Variants in QSOX2 observed in about 807,000 individuals in gnomAD.
QSOX2 encodes sulfhydryl oxidase 2.
A neutral mutation model predicts 61.7 loss-of-function variants in QSOX2; 46 were observed. The observed-to-expected ratio is 0.75, with a 90% CI of 0.59 to 0.95. The LOEUF is 0.95. Among genes scored for constraint, QSOX2 ranks in the 40% least tolerant of loss-of-function variants. The pLI, the probability that QSOX2 is intolerant of heterozygous loss-of-function variation, is 0.00. For synonymous variants in QSOX2, 383 were observed against 388.4 expected, an observed-to-expected ratio of 0.99 and a Z score of 0.16; for missense variants, 879 against 918.9, an observed-to-expected ratio of 0.96 and a Z score of 0.56.
At chr9:136,217,201 A>G (rs574412333) in intron 8 of QSOX2, among the ~76,000 whole-genome samples, 1 of 152,360 alleles carries the variant, frequency 6.6e-6, no homozygotes, top group South Asian at 2.1e-4. Context: ...CTAACTGCCT[A>G]TGGGCTTGTG....
Position 136,209,319 on chromosome 9 carries a change from T to TGTGCAGCCAC in QSOX2, c.1550-54_1550-45dup. 6.3e-7 allele frequency: 1 copy of TGTGCAGCCAC among 1,588,626 alleles called. No individual in the cohort carries two copies. The highest frequency in any genetic ancestry group is 8.6e-7 in the Non-Finnish European group (1 of 1,165,490). ...GGGAGAGCCAGAGGGAAGGAGGCTTTGTGCAGCCACGTGCAGCGTGCGGCA... is the reference window on the plus strand; with the variant it reads ...GGGAGAGCCAGAGGGAAGGAGGCTTTGTGCAGCCACGTGCAGCCACGTGCAGCGTGCGGCA... On this transcript the variant is annotated intron_variant, in intron 11 of 11. Coordinates refer to ENST00000358701, the MANE Select transcript of QSOX2 (RefSeq NM_181701.4). This position sits in a 1 kb window ranked among gnomAD's most constrained non-coding sequence, Gnocchi z 5.6.
chr9:136,243,944 G>C (rs1448096956), intron 1 of QSOX2, among the ~76,000 whole-genome samples: 1 of 152,092 alleles, frequency 6.6e-6, no homozygotes, highest in Non-Finnish European at 1.5e-5. Flanking sequence ...TCTCAGGAGG[G>C]GCCTTCCTTC....
At chr9:136,229,004 T>TA (rs1830307074) in intron 1 of QSOX2, among the ~76,000 whole-genome samples, 1 of 152,218 alleles carries the variant, frequency 6.6e-6, no homozygotes, top group Admixed American at 6.5e-5. Context: ...AAGGCTTGTG[T>TA]GTGTTAGCGG....
In QSOX2 at chr9:136,207,405, GCACA is replaced by G. The variant is rs769912727; in HGVS notation, c.*1319_*1322del. The stretch of plus-strand genomic sequence containing the variant: ...CACACACACACACACACACACACGG[GCACA>G]CAAATACATCTGAGCCTATTTTAGC... On this transcript the variant is annotated 3_prime_UTR_variant, in exon 12 of 12. Transcript: ENST00000358701. 9 of 121,740 alleles carry G rather than the reference GCACA, an allele frequency of 7.4e-5. No homozygotes were observed. Among genetic ancestry groups the G allele is most frequent in the African/African-American group, 1.1e-4 (3 of 27,784 alleles). The allele number at this position is 121,740 out of a possible 1,614,324, so 7.5% of individuals were successfully genotyped here.
rs201396041 is a variant in QSOX2 at position 136,224,091 on chromosome 9, G to T, written c.500C>A (p.Thr167Lys). The T allele has an allele frequency of 1.2e-6, 2 of 1,613,922 alleles. No homozygotes were observed. The highest frequency in any genetic ancestry group is 1.7e-6 in the Non-Finnish European group (2 of 1,180,020). Residue 167 changes from threonine to lysine, a missense_variant, in exon 4 of 12, where the codon ACA becomes AAA. Transcript: ENST00000358701. ...NFKGPDRELR[T>K]VRQTMIDFLQ... ...GAAGTCAATCATCGTCTGTCTGACT[G>T]TTCGCAGCTCTCGGTCAGGTCCTGC... is the stretch of plus-strand genomic sequence containing the variant.
intron 1 of QSOX2, among the ~76,000 whole-genome samples, chr9:136,241,154 G>A (rs1489354137): frequency 2.0e-5 from 3 of 152,224 alleles, no homozygotes; most frequent in Non-Finnish European, 2.9e-5. Context: ...CATCCTTTCT[G>A]TAAAATACTC....
intron 1 of QSOX2, among the ~76,000 whole-genome samples, chr9:136,233,542 G>A (rs1830351220): frequency 1.3e-5 from 2 of 152,242 alleles, no homozygotes; most frequent in Non-Finnish European, 2.9e-5. Flanking sequence ...CGTTGTTATA[G>A]GAAGAGCCGT....
rs1387652620 is a variant in QSOX2 at position 136,237,456 on chromosome 9, A to ATCCTGTGCCGGCGACACCTGGAGCCCG, written c.328+7993_328+8019dup. ...CCGTCCTGTGCCACACCTGGAGCCC[A>ATCCTGTGCCGGCGACACCTGGAGCCCG]TCCTGTGCCGGCGACACCTGGAGCC... On this transcript the variant is annotated intron_variant, in intron 1 of 11. Transcript: ENST00000358701. Among the ~76,000 whole-genome samples the ATCCTGTGCCGGCGACACCTGGAGCCCG allele has an allele frequency of 2.1e-3, 142 of 67,878 alleles. 1 individual carries two copies. The highest frequency in any genetic ancestry group is 4.2e-3 in the Admixed American group (25 of 5,986). 44.5% of individuals were successfully genotyped at this position (67,878 alleles called of 152,430 possible).
chr9:136,213,754 A>G (rs1831877262), intron 10 of QSOX2, among the ~76,000 whole-genome samples: 1 of 152,210 alleles, frequency 6.6e-6, no homozygotes, highest in Non-Finnish European at 1.5e-5. Context: ...ATGTGACTCC[A>G]CACTGAGGTG....
chr9:136,218,672 C>T lies in QSOX2; in HGVS notation c.1086+7G>A. On this transcript the variant is annotated splice_region_variant and intron_variant, in intron 8 of 11. Coordinates refer to ENST00000358701, the MANE Select transcript of QSOX2 (RefSeq NM_181701.4). ...CACATGCAGCCCAGACCAGCACCGT[C>T]CCAAACCTTGGCCAAGACAGTCACA... 10 of 1,613,132 alleles carry T rather than the reference C, an allele frequency of 6.2e-6. No individual in the cohort carries two copies. In the Middle Eastern group the frequency reaches 5.0e-4, roughly 80 times the overall value.
At chr9:136,210,249 G>T in intron 11 of QSOX2, 1 of 985,484 alleles carries the variant, frequency 1.0e-6, no homozygotes, top group Non-Finnish European at 1.2e-6. Context: ...TCTCCGAGGG[G>T]CCTCCCAGGA....
At chr9:136,228,998 CT>C (rs1830306980) in intron 1 of QSOX2, among the ~76,000 whole-genome samples, 2 of 152,244 alleles carry the variant, frequency 1.3e-5, no homozygotes, top group Admixed American at 1.3e-4. Flanking sequence ...AATATGAAGG[CT>C]TGTGTGTGTT....
intron 1 of QSOX2, among the ~76,000 whole-genome samples, chr9:136,242,596 G>A (rs1056798260): frequency 1.3e-5 from 2 of 152,274 alleles, no homozygotes; most frequent in Admixed American, 1.3e-4. Flanking sequence ...CATGCAGCCA[G>A]ACCCCTGCAC....
chr9:136,220,846 G>T (rs111788778), intron 6 of QSOX2, among the ~76,000 whole-genome samples: 242 of 152,188 alleles, frequency 1.6e-3, no homozygotes, highest in African/African-American at 5.2e-3. Context: ...GAGTAGCTGG[G>T]ACTACAGTGG....
At chr9:136,218,897 A>C in intron 7 of QSOX2, 89 bp from the exon 8 acceptor site, 1 of 1,574,262 alleles carries the variant, frequency 6.4e-7, no homozygotes. Flanking sequence ...ACGGACTCCC[A>C]GGGCCCCTGG....
At chr9:136,219,414 T>A (rs1029076401) in intron 6 of QSOX2, among the ~76,000 whole-genome samples, 1 of 152,224 alleles carries the variant, frequency 6.6e-6, no homozygotes, top group African/African-American at 2.4e-5. Context: ...CTATGACTCA[T>A]TTATGTTTGT....
rs536517816 is a variant in QSOX2, at chr9:136,211,863, T to C, written c.1361-411A>G. On this transcript the variant is annotated intron_variant, in intron 10 of 11. Transcript: ENST00000358701. ...GGATTTGCCAGCTGGGTGCAGTCTCTCTTGCCTTACAAGCAACTCTCAGGG... is the reference window on the plus strand; with the variant it reads ...GGATTTGCCAGCTGGGTGCAGTCTCCCTTGCCTTACAAGCAACTCTCAGGG... Among the ~76,000 whole-genome samples the C allele has an allele frequency of 1.8e-3, 274 of 152,348 alleles. 1 individual carries two copies. Among genetic ancestry groups the C allele is most frequent in the African/African-American group, 6.5e-3 (271 of 41,572 alleles).
At position 136,227,262 on chromosome 9, in the gene QSOX2, G is replaced by A. The variant is rs563030446; in HGVS notation, c.329-388C>T. Among the ~76,000 whole-genome samples the A allele has an allele frequency of 5.9e-5, 9 of 152,296 alleles. No homozygotes were observed. The South Asian group carries it at 1.2e-3, about 21-fold the overall frequency. On this transcript the variant is annotated intron_variant, in intron 1 of 11. Transcript: ENST00000358701. Reference sequence around the variant, plus strand: ...AAGTACGTGCAGATTAATCAGATACGGTCCAGGCTGTTTGGCAAAAACATT... The same window carrying A: ...AAGTACGTGCAGATTAATCAGATACAGTCCAGGCTGTTTGGCAAAAACATT...
At chr9:136,239,893 C>G (rs1015772566) in intron 1 of QSOX2, among the ~76,000 whole-genome samples, 9 of 152,258 alleles carry the variant, frequency 5.9e-5, no homozygotes, top group African/African-American at 1.9e-4. Context: ...GTATTCATGG[C>G]AACACAAAAG....
Sources: gnomAD v4.1 joint callset for allele counts (sites outside exome capture counted in the v4.1 genomes callset) on GRCh38, gnomAD v4.1.1 for gene constraint, Gnocchi (gnomAD v3.1) non-coding constraint, MANE v1.5 for transcripts, NCBI Gene and HGNC (gene_info 2026-07-23, HGNC 2026-07-21) for gene names.